Variants in SOX5 observed in about 807,000 individuals in gnomAD.
SOX5 encodes the protein SRY-box transcription factor 5, also known as transcription factor SOX-5.
Under a neutral mutation model 92.0 loss-of-function variants are expected in SOX5, and 9 were observed. That is an observed-to-expected ratio of 0.10 (90% confidence interval 0.06 to 0.17). The LOEUF is 0.17. SOX5 is among the 10% of genes least tolerant of loss of function. The pLI, the probability that SOX5 is intolerant of heterozygous loss-of-function variation, is 1.00. For synonymous variants in SOX5, 344 were observed against 336.3 expected (o/e 1.02, Z -0.25); for missense variants, 642 against 944.5 (o/e 0.68, Z 4.20).
intron 2 of SOX5, among the ~76,000 whole-genome samples, chr12:23,880,951 T>C (rs2096982323): frequency 6.6e-6 from 1 of 152,224 alleles, no homozygotes. Flanking sequence ...AGTGGCTATT[T>C]GATCTAACTG....
chr12:24,049,638 G>GTTTTTTTTTTTT lies in SOX5; in HGVS notation c.-1-153626_-1-153615dup, dbSNP rs527647441. Among the ~76,000 whole-genome samples the GTTTTTTTTTTTT allele has an allele frequency of 4.1e-4, 30 of 73,768 alleles. 2 individuals carry two copies. The highest frequency in any genetic ancestry group is 1.5e-3 in the African/African-American group (26 of 16,846). The allele number at this position is 73,768 out of a possible 152,430, so 48.4% of individuals were successfully genotyped here. ...TGTTGATATTTTCCAATCCTTCATA[G>GTTTTTTTTTTTT]TTTTTTTTTTTTTTTTTTTTTTTTT... is the stretch of plus-strand genomic sequence containing the variant. On this transcript the variant is annotated intron_variant, in intron 4 of 4. Coordinates refer to the SOX5 transcript ENST00000446891.
At chr12:24,159,035 T>C (rs1209873568) in intron 4 of SOX5, among the ~76,000 whole-genome samples, 1 of 151,954 alleles carries the variant, frequency 6.6e-6, no homozygotes, top group Non-Finnish European at 1.5e-5. Context: ...AAAAATGGCA[T>C]TAATTTGGAG....
At chr12:24,328,965 C>G (rs1182527929) in intron 2 of SOX5, among the ~76,000 whole-genome samples, 1 of 152,096 alleles carries the variant, frequency 6.6e-6, no homozygotes, top group African/African-American at 2.4e-5. Context: ...CAAAATATTT[C>G]TATTGGTATT....
At chr12:24,149,329 T>C (rs1419509509) in intron 4 of SOX5, among the ~76,000 whole-genome samples, 1 of 151,558 alleles carries the variant, frequency 6.6e-6, no homozygotes, top group African/African-American at 2.4e-5. Context: ...AATCCGAAAA[T>C]ATATAAAAGA....
At chr12:24,349,325 A>C (rs1027940793) in intron 2 of SOX5, among the ~76,000 whole-genome samples, 3 of 152,194 alleles carry the variant, frequency 2.0e-5, no homozygotes, top group African/African-American at 4.8e-5. Context: ...TTTTAAGTGG[A>C]CTGTTTAGTC....
intron 4 of SOX5, among the ~76,000 whole-genome samples, chr12:24,071,769 A>T (rs1174607817): frequency 6.6e-6 from 1 of 152,170 alleles, no homozygotes; most frequent in Non-Finnish European, 1.5e-5. Flanking sequence ...TTAATTCATA[A>T]CAGGTGGTCA....
chr12:23,529,715 A>G lies in SOX5; in HGVS notation c.*4504T>C, dbSNP rs1439829626. 1 of 152,178 alleles carries G rather than the reference A, an allele frequency of 6.6e-6. No individual in the cohort carries two copies. The highest frequency in any genetic ancestry group is 2.4e-5 in the African/African-American group (1 of 41,458). The allele number at this position is 152,178 out of a possible 1,614,324, so 9.4% of individuals were successfully genotyped here. ...TAAAACCAAAAACATGAAAATATAC[A>G]ACTTATATTACACTATGTGTTATGA... On this transcript the variant is annotated 3_prime_UTR_variant, in exon 15 of 15. Transcript: ENST00000451604.
intron 7 of SOX5, among the ~76,000 whole-genome samples, chr12:23,655,432 G>A (rs1393392002): frequency 6.6e-6 from 1 of 152,034 alleles, no homozygotes; most frequent in African/African-American, 2.4e-5. Flanking sequence ...AGAAATGAAT[G>A]GTCCCGAGAA....
intron 3 of SOX5, among the ~76,000 whole-genome samples, chr12:23,784,876 AG>A (rs2095351581): frequency 6.6e-6 from 1 of 152,104 alleles, no homozygotes; most frequent in Admixed American, 6.5e-5. Context: ...CGGGAGTTCA[AG>A]GTCAGCCTGG....
At chr12:23,583,513 C>T (rs556094320) in intron 9 of SOX5, among the ~76,000 whole-genome samples, 1 of 152,222 alleles carries the variant, frequency 6.6e-6, no homozygotes, top group South Asian at 2.1e-4. Flanking sequence ...GTTTCCAATT[C>T]AACTTTGTTT....
At chr12:24,137,411 T>A (rs965497893) in intron 4 of SOX5, among the ~76,000 whole-genome samples, 1 of 152,012 alleles carries the variant, frequency 6.6e-6, no homozygotes, top group African/African-American at 2.4e-5. Context: ...GGCGTGCGGA[T>A]CACGAGGTCA....
At chr12:24,013,528 A>C (rs1022975985) in intron 4 of SOX5, among the ~76,000 whole-genome samples, 7 of 152,186 alleles carry the variant, frequency 4.6e-5, no homozygotes, top group African/African-American at 1.7e-4. Flanking sequence ...CTTCAAAAAG[A>C]AGCTCTAGTT....
At chr12:24,301,711 GC>G (rs1947972611) in intron 2 of SOX5, among the ~76,000 whole-genome samples, 1 of 152,152 alleles carries the variant, frequency 6.6e-6, no homozygotes, top group Non-Finnish European at 1.5e-5. Flanking sequence ...TTTTAAACCA[GC>G]ATGAGTGCGC....
At chr12:24,281,252 A>C (rs990723490) in intron 2 of SOX5, among the ~76,000 whole-genome samples, 4 of 151,814 alleles carry the variant, frequency 2.6e-5, no homozygotes, top group South Asian at 2.1e-4. Context: ...AAAAAAAAAA[A>C]AAAAACTGTT....
chr12:24,504,561 T>A (rs1243380818), intron 1 of SOX5, among the ~76,000 whole-genome samples: 2 of 152,180 alleles, frequency 1.3e-5, no homozygotes, highest in Non-Finnish European at 2.9e-5. Context: ...TTCTAAAAAT[T>A]AAAATATATG....
chr12:23,623,254 A>C (rs2077389763), intron 8 of SOX5, among the ~76,000 whole-genome samples: 1 of 152,204 alleles, frequency 6.6e-6, no homozygotes, highest in Admixed American at 6.5e-5. Context: ...TAGAGACAGA[A>C]GCATAAAGCA....
At chr12:24,463,715 T>C (rs1415260568) in intron 1 of SOX5, among the ~76,000 whole-genome samples, 5 of 152,252 alleles carry the variant, frequency 3.3e-5, no homozygotes, top group Admixed American at 6.5e-5. Flanking sequence ...TTGGTTAAGA[T>C]AGCAAATTGA....
At chr12:23,858,738 T>C (rs191744682) in intron 2 of SOX5, among the ~76,000 whole-genome samples, 1 of 152,164 alleles carries the variant, frequency 6.6e-6, no homozygotes, top group Non-Finnish European at 1.5e-5. Context: ...GAAACCTGCA[T>C]GTGAATGTTC....
At position 23,726,289 on chromosome 12, in the gene SOX5, G is replaced by A. The variant is rs573203798; in HGVS notation, c.810+8395C>T. 3.3e-5 allele frequency among the ~76,000 whole-genome samples: 5 copies of A among 152,228 alleles called. No homozygotes were observed. In the East Asian group the frequency reaches 9.7e-4, roughly 29 times the overall value. ...AGCAAATTTGCCATATGTTAGAGAT[G>A]TCTGGAATGTATGTCTTGAATCATG... On this transcript the variant is annotated intron_variant, in intron 6 of 14. Coordinates refer to ENST00000451604, the MANE Select transcript of SOX5 (RefSeq NM_006940.6).
Sources: allele counts gnomAD v4.1 joint callset (sites outside exome capture counted in the v4.1 genomes callset), GRCh38; gene constraint gnomAD v4.1.1; transcripts MANE v1.5; gene names NCBI Gene and HGNC (gene_info 2026-07-23, HGNC 2026-07-21).